Variants in RXRA observed in about 807,000 individuals in gnomAD.
The protein encoded by RXRA is retinoid X receptor alpha, also known as retinoic acid receptor RXR-alpha.
Under a neutral mutation model 44.5 loss-of-function variants are expected in RXRA, and 5 were observed. That is an observed-to-expected ratio of 0.11 (90% confidence interval 0.06 to 0.24). The LOEUF (loss-of-function observed/expected upper bound fraction) is 0.24, where lower values mean the gene tolerates loss of function less well. Among genes scored for constraint, RXRA ranks in the 10% least tolerant of loss-of-function variants. RXRA has a pLI of 1.00. For missense variants in RXRA, 412 were observed against 646.5 expected, an observed-to-expected ratio of 0.64 and a Z score of 3.93; for synonymous variants, 291 against 271.4, an observed-to-expected ratio of 1.07 and a Z score of -0.71.
At chr9:134,391,124 T>TC (rs1830793080) in intron 1 of RXRA, among the ~76,000 whole-genome samples, 1 of 152,066 alleles carries the variant, frequency 6.6e-6, no homozygotes, top group Non-Finnish European at 1.5e-5. Flanking sequence ...ACTGGGGATG[T>TC]CCCCCAGAGA....
At chr9:134,373,614 C>G (rs972913546) in intron 1 of RXRA, among the ~76,000 whole-genome samples, 6 of 152,234 alleles carry the variant, frequency 3.9e-5, no homozygotes, top group African/African-American at 7.2e-5. Context: ...GTCCCATCCC[C>G]CAGCTATCCA....
At chr9:134,362,283 A>AC (rs1485536907) in intron 1 of RXRA, among the ~76,000 whole-genome samples, 1 of 150,776 alleles carries the variant, frequency 6.6e-6, no homozygotes, top group Non-Finnish European at 1.5e-5. Flanking sequence ...TTGACCCTGA[A>AC]CCCCCTCCCT....
In RXRA at chr9:134,347,115, G is replaced by A. The variant is rs1179559117; in HGVS notation, c.28+20456G>A. 2.6e-5 allele frequency among the ~76,000 whole-genome samples: 4 copies of A among 151,602 alleles called. No homozygotes were observed. The East Asian group carries it at 7.8e-4, about 29-fold the overall frequency. ...GTGGCCTCTCTGTCCCTGTGGAGGT[G>A]ACGGGCAAGGGTGGGATGGAGGCCT... On this transcript the variant is annotated intron_variant, in intron 1 of 9. Transcript: ENST00000481739.
At chr9:134,411,223 T>A (rs1831143162) in intron 4 of RXRA, among the ~76,000 whole-genome samples, 1 of 152,128 alleles carries the variant, frequency 6.6e-6, no homozygotes, top group African/African-American at 2.4e-5. Context: ...TGCAGCCCAG[T>A]CATCCATGTG....
At chr9:134,418,551 G>C (rs1173948399) in intron 5 of RXRA, among the ~76,000 whole-genome samples, 1 of 152,172 alleles carries the variant, frequency 6.6e-6, no homozygotes, top group Non-Finnish European at 1.5e-5. Flanking sequence ...CACCCCCCAG[G>C]GCCTTCGTGC....
chr9:134,408,794 A>G, intron 3 of RXRA, 146 bp from the exon 4 acceptor site: 2 of 732,298 alleles, frequency 2.7e-6, no homozygotes, highest in East Asian at 3.0e-5. Context: ...GCTGGGGCCC[A>G]GTCTGAGCCC....
intron 1 of RXRA, among the ~76,000 whole-genome samples, chr9:134,354,503 C>T (rs1240203614): frequency 6.6e-6 from 1 of 152,202 alleles, no homozygotes; most frequent in Non-Finnish European, 1.5e-5. Context: ...GCCCATCAGG[C>T]ACTATTGAAG....
chr9:134,432,745 C>T (rs1034860552), intron 8 of RXRA, among the ~76,000 whole-genome samples: 3 of 152,140 alleles, frequency 2.0e-5, no homozygotes, highest in East Asian at 1.9e-4. Flanking sequence ...GGCAGGAGCA[C>T]GGTTGGTCGA....
At chr9:134,412,571 C>T (rs575006807) in intron 4 of RXRA, among the ~76,000 whole-genome samples, 9 of 152,300 alleles carry the variant, frequency 5.9e-5, no homozygotes, top group South Asian at 2.1e-4. Context: ...GGGGCCTGCA[C>T]GCGCAGGCAG....
chr9:134,370,972 G>T (rs1236539896), intron 1 of RXRA, among the ~76,000 whole-genome samples: 1 of 152,064 alleles, frequency 6.6e-6, no homozygotes, highest in Admixed American at 6.5e-5. Flanking sequence ...TGAGGGAGTG[G>T]CAGGAGCCGG....
intron 1 of RXRA, among the ~76,000 whole-genome samples, chr9:134,386,281 G>A (rs1185735081): frequency 1.3e-5 from 2 of 152,268 alleles, no homozygotes; most frequent in African/African-American, 2.4e-5. Context: ...CGATGGGGCC[G>A]CCCCTGTGGT....
chr9:134,338,426 C>T (rs1330222465), intron 1 of RXRA, among the ~76,000 whole-genome samples: 2 of 152,242 alleles, frequency 1.3e-5, no homozygotes, highest in Non-Finnish European at 2.9e-5. Context: ...GGGCCTCCAG[C>T]CCAAGTGGCA....
In RXRA at chr9:134,423,626, C is replaced by A. The variant is rs890936987; in HGVS notation, c.910+1821C>A. ...TCTCAAAGTCCTTGACTTAATCCCG[C>A]TGGCCTCGTGTCTGGTGGGTCCTTG... On this transcript the variant is annotated intron_variant, in intron 6 of 9. Coordinates refer to ENST00000481739, the MANE Select transcript of RXRA (RefSeq NM_002957.6). 8 of 985,372 alleles carry A rather than the reference C, an allele frequency of 8.1e-6. No individual in the cohort carries two copies. In the African/African-American group the frequency reaches 1.4e-4, roughly 17 times the overall value. The allele number at this position is 985,372 out of a possible 1,614,324, so 61.0% of individuals were successfully genotyped here. A position where few individuals can be genotyped will look rare whatever the true frequency, so the allele number is the denominator to read the frequency against.
intron 1 of RXRA, chr9:134,380,168 G>C (rs1004473416): frequency 2.0e-6 from 2 of 985,344 alleles, no homozygotes; most frequent in African/African-American, 3.5e-5. Context: ...GGGCAGGTGC[G>C]TGTGTTGGGG....
chr9:134,413,562 C>T (rs922498344), intron 4 of RXRA, among the ~76,000 whole-genome samples: 8 of 152,126 alleles, frequency 5.3e-5, no homozygotes, highest in African/African-American at 1.9e-4. Context: ...TGGTGGAGTT[C>T]GGTCCTGCCT....
At chr9:134,389,812 C>T (rs922177320) in intron 1 of RXRA, among the ~76,000 whole-genome samples, 7 of 152,174 alleles carry the variant, frequency 4.6e-5, no homozygotes, top group African/African-American at 1.7e-4. Flanking sequence ...CTCCATCCCT[C>T]CCCTTCCTTC....
intron 1 of RXRA, among the ~76,000 whole-genome samples, chr9:134,344,867 T>G (rs960575368): frequency 1.4e-4 from 21 of 152,182 alleles, no homozygotes; most frequent in Non-Finnish European, 2.8e-4. Context: ...CCCAACACAC[T>G]GGTGGTAGTG....
chr9:134,357,752 C>T (rs1564268298), intron 1 of RXRA, among the ~76,000 whole-genome samples: 2 of 152,220 alleles, frequency 1.3e-5, no homozygotes, highest in Non-Finnish European at 2.9e-5. Flanking sequence ...GAATTGGCCA[C>T]CCTCGGGGCA....
intron 1 of RXRA, among the ~76,000 whole-genome samples, chr9:134,347,220 A>C (rs1830163817): frequency 6.6e-6 from 1 of 152,198 alleles, no homozygotes; most frequent in Non-Finnish European, 1.5e-5. Flanking sequence ...TGGGGCAGCC[A>C]TAAGGAGAGC....
Sources: gnomAD v4.1 joint callset for allele counts (sites outside exome capture counted in the v4.1 genomes callset) on GRCh38, gnomAD v4.1.1 for gene constraint, MANE v1.5 for transcripts, NCBI Gene and HGNC (gene_info 2026-07-23, HGNC 2026-07-21) for gene names.